Variants in RGPD2 observed in about 807,000 individuals in gnomAD.
RGPD2 encodes RANBP2-like and GRIP domain-containing protein 2.
RGPD2 carries 2 observed loss-of-function variants against 36.0 expected under a neutral mutation model. The observed-to-expected ratio is 0.06, with a 90% CI of 0.02 to 0.17. RGPD2 has a LOEUF of 0.17. Among genes scored for constraint, RGPD2 ranks in the 10% least tolerant of loss-of-function variants. The probability of loss-of-function intolerance (pLI) is 1.00; values close to 1 mark genes in which losing one functional copy is unlikely to be tolerated. For missense variants in RGPD2, 40 were observed against 464.3 expected (o/e 0.09, Z 8.40); for synonymous variants, 19 against 163.8 (o/e 0.12, Z 6.75).
At chr2:87,845,460 C>T in the RGPD2 span, among the ~76,000 whole-genome samples, 2 of 150,988 alleles carry the variant, frequency 1.3e-5, no homozygotes, top group Non-Finnish European at 3.0e-5. Context: ...AAATATAAAG[C>T]TATTTTTTCA....
chr2:87,940,457 T>C, the RGPD2 span, among the ~76,000 whole-genome samples: 7 of 149,466 alleles, frequency 4.7e-5, no homozygotes, highest in African/African-American at 1.5e-4. Flanking sequence ...AATATAAAGA[T>C]AGGATCTATG....
At chr2:87,852,889 G>A in the RGPD2 span, among the ~76,000 whole-genome samples, 6 of 152,256 alleles carry the variant, frequency 3.9e-5, no homozygotes, top group South Asian at 4.1e-4. Context: ...GACATATTAC[G>A]TATTACAAAT....
the RGPD2 span, among the ~76,000 whole-genome samples, chr2:87,930,856 A>T: frequency 6.8e-6 from 1 of 146,650 alleles, no homozygotes; most frequent in Non-Finnish European, 1.5e-5. Flanking sequence ...TTTAGTTTAT[A>T]AGTATAGAGG....
At chr2:87,977,539 C>T in the RGPD2 span, among the ~76,000 whole-genome samples, 7 of 150,916 alleles carry the variant, frequency 4.6e-5, no homozygotes, top group East Asian at 1.9e-4. Flanking sequence ...CAAGGCCAGG[C>T]GTGGTGGCTC....
the RGPD2 span, among the ~76,000 whole-genome samples, chr2:87,983,817 G>A: frequency 5.9e-5 from 9 of 151,766 alleles, no homozygotes; most frequent in South Asian, 4.2e-4. Context: ...ACACTCAGAG[G>A]CAGAAACATG....
chr2:87,769,431 G>C (rs1281598027), intron 22 of RGPD2, among the ~76,000 whole-genome samples: 2 of 151,108 alleles, frequency 1.3e-5, no homozygotes, highest in Non-Finnish European at 3.0e-5. Context: ...TTTCCTGTCT[G>C]TTTACAGGAC....
chr2:87,875,878 G>A, the RGPD2 span, among the ~76,000 whole-genome samples: 2 of 152,060 alleles, frequency 1.3e-5, no homozygotes, highest in Non-Finnish European at 2.9e-5. Flanking sequence ...ATTTATTAGT[G>A]GCTTTATTTT....
At chr2:87,913,279 A>G in the RGPD2 span, among the ~76,000 whole-genome samples, 1 of 151,320 alleles carries the variant, frequency 6.6e-6, no homozygotes, top group Non-Finnish European at 1.5e-5. Flanking sequence ...CATTCTCAGC[A>G]AACTATCACA....
chr2:87,958,720 C>CT, the RGPD2 span, among the ~76,000 whole-genome samples: 1 of 152,178 alleles, frequency 6.6e-6, no homozygotes, highest in Non-Finnish European at 1.5e-5. Context: ...CTTTCAAACT[C>CT]TAACTTCAGG....
At chr2:87,829,821 C>T (rs1686929549), upstream of RGPD2, among the ~76,000 whole-genome samples, 1 of 135,986 alleles carries the variant, frequency 7.4e-6, no homozygotes, top group African/African-American at 2.8e-5. Flanking sequence ...ATCATTCTGC[C>T]CCTCACCCCT....
At chr2:87,963,999 C>T in the RGPD2 span, among the ~76,000 whole-genome samples, 2 of 150,930 alleles carry the variant, frequency 1.3e-5, no homozygotes, top group East Asian at 1.9e-4. Flanking sequence ...TCACACCTGG[C>T]TAATTGTTGT....
chr2:87,763,164 G>GT (rs1257855032), intron 22 of RGPD2, among the ~76,000 whole-genome samples: 7 of 61,232 alleles, frequency 1.1e-4, no homozygotes, highest in African/African-American at 2.1e-4. Context: ...TGCTAGTAGT[G>GT]TTTTTTTTTC....
chr2:87,938,118 C>T, the RGPD2 span, among the ~76,000 whole-genome samples: 1 of 151,586 alleles, frequency 6.6e-6, no homozygotes, highest in Non-Finnish European at 1.5e-5. Context: ...AGTAAAATCA[C>T]AGGATAATTT....
At chr2:87,957,369 C>CG in the RGPD2 span, among the ~76,000 whole-genome samples, 2 of 25,558 alleles carry the variant, frequency 7.8e-5, no homozygotes, top group African/African-American at 1.4e-4. Context: ...AGAAAGAGAA[C>CG]CTTTCCAGAA....
At chr2:87,883,661 G>A in the RGPD2 span, among the ~76,000 whole-genome samples, 1 of 151,888 alleles carries the variant, frequency 6.6e-6, no homozygotes, top group Non-Finnish European at 1.5e-5. Context: ...GATCAGGGTA[G>A]CTATATTTCA....
chr2:87,885,046 T>C, the RGPD2 span, among the ~76,000 whole-genome samples: 1 of 152,092 alleles, frequency 6.6e-6, no homozygotes, highest in Non-Finnish European at 1.5e-5. Flanking sequence ...TTCAACAATA[T>C]GCATATGGAC....
intron 4 of RGPD2, among the ~76,000 whole-genome samples, chr2:87,813,177 A>G (rs1246420761): frequency 1.3e-5 from 2 of 152,356 alleles, no homozygotes; most frequent in East Asian, 3.9e-4. Flanking sequence ...AAAAAATGCT[A>G]TAATCCCTTA....
the RGPD2 span, among the ~76,000 whole-genome samples, chr2:87,966,746 G>A: frequency 7.2e-6 from 1 of 139,824 alleles, no homozygotes; most frequent in Admixed American, 7.5e-5. Context: ...GGTCAAAATG[G>A]TGAACCCGTA....
chr2:87,882,323 C>A, the RGPD2 span, among the ~76,000 whole-genome samples: 1 of 151,830 alleles, frequency 6.6e-6, no homozygotes, highest in African/African-American at 2.4e-5. Flanking sequence ...GTATGAATAT[C>A]CGGTTTTCCC....
Sources: gnomAD v4.1 joint callset for allele counts (sites outside exome capture counted in the v4.1 genomes callset) on GRCh38, gnomAD v4.1.1 for gene constraint, MANE v1.5 for transcripts, NCBI Gene and HGNC (gene_info 2026-07-23, HGNC 2026-07-21) for gene names.